RGS6: variants seen among roughly 807,000 people sequenced by gnomAD.
RGS6 encodes the protein regulator of G-protein signaling 6.
A neutral mutation model predicts 78.5 loss-of-function variants in RGS6; 30 were observed. The ratio of observed to expected loss-of-function variants is 0.38; its 90% confidence interval spans 0.29 to 0.52. RGS6 has a LOEUF of 0.52. Among genes scored for constraint, RGS6 ranks in the 20% least tolerant of loss-of-function variants. The pLI, the probability that RGS6 is intolerant of heterozygous loss-of-function variation, is 0.85. For missense variants in RGS6, 495 were observed against 609.7 expected, an observed-to-expected ratio of 0.81 and a Z score of 1.98; for synonymous variants, 206 against 206.0, an observed-to-expected ratio of 1.00 and a Z score of 0.00.
chr14:72,350,579 A>G (rs2078926081), intron 2 of RGS6, among the ~76,000 whole-genome samples: 1 of 152,168 alleles, frequency 6.6e-6, no homozygotes, highest in South Asian at 2.1e-4. Flanking sequence ...ACCCAGTGAG[A>G]AACTCTCCAG....
At chr14:71,912,270 ATGTCC>A in the RGS6 span, among the ~76,000 whole-genome samples, 6 of 152,144 alleles carry the variant, frequency 3.9e-5, no homozygotes, top group South Asian at 4.1e-4. Context: ...GGCATATCCA[ATGTCC>A]TGTCCTGTCC....
intron 2 of RGS6, among the ~76,000 whole-genome samples, chr14:72,296,706 G>A (rs2064896849): frequency 6.6e-6 from 1 of 152,100 alleles, no homozygotes; most frequent in Non-Finnish European, 1.5e-5. Flanking sequence ...GTAAGATACA[G>A]GTCTGGGAAA....
At chr14:72,247,593 G>T (rs982538532) in intron 2 of RGS6, among the ~76,000 whole-genome samples, 8 of 152,160 alleles carry the variant, frequency 5.3e-5, no homozygotes, top group Non-Finnish European at 7.4e-5. Context: ...TGATTTCTGT[G>T]GTTTGAATGT....
chr14:72,426,802 C>T (rs1470693974), intron 3 of RGS6, among the ~76,000 whole-genome samples: 1 of 152,194 alleles, frequency 6.6e-6, no homozygotes, highest in Non-Finnish European at 1.5e-5. Flanking sequence ...ATTGTATTTC[C>T]AAAGATGTCT....
chr14:72,184,390 A>G (rs1412134229), intron 2 of RGS6, among the ~76,000 whole-genome samples: 1 of 151,680 alleles, frequency 6.6e-6, no homozygotes, highest in African/African-American at 2.4e-5. Flanking sequence ...ACACACACAC[A>G]CACACACACA....
chr14:71,890,767 A>G, the RGS6 span, among the ~76,000 whole-genome samples: 1 of 152,264 alleles, frequency 6.6e-6, no homozygotes, highest in African/African-American at 2.4e-5. Flanking sequence ...AGAGCTACTG[A>G]AACCTTTAAG....
At chr14:72,194,361 T>A (rs2039490322) in intron 2 of RGS6, among the ~76,000 whole-genome samples, 1 of 152,182 alleles carries the variant, frequency 6.6e-6, no homozygotes, top group South Asian at 2.1e-4. Context: ...AACTTACACT[T>A]TATTATTTTA....
chr14:72,439,826 T>C (rs2095110313), intron 3 of RGS6, among the ~76,000 whole-genome samples: 1 of 152,232 alleles, frequency 6.6e-6, no homozygotes, highest in Non-Finnish European at 1.5e-5. Context: ...AGAGAGTAGC[T>C]GTGTTCTGCT....
In RGS6 at chr14:71,992,660, G is replaced by A. The variant is rs188498774; in HGVS notation, c.84+27785G>A. Reference sequence around the variant, plus strand: ...TCTTAACTACTCATTATGTTTTTACGCACGTTAGTAATTATTTGCTTGGAT... The same window carrying A: ...TCTTAACTACTCATTATGTTTTTACACACGTTAGTAATTATTTGCTTGGAT... On this transcript the variant is annotated intron_variant, in intron 2 of 17. Transcript: ENST00000553525. Among the ~76,000 whole-genome samples, 114 of 152,246 alleles carry A rather than the reference G, an allele frequency of 7.5e-4. 1 individual carries two copies. The Middle Eastern group carries it at 0.034, about 45-fold the overall frequency.
intron 17 of RGS6, 188 bp downstream of exon 17, chr14:72,540,282 C>CA: frequency 6.7e-7 from 1 of 1,486,828 alleles, no homozygotes; most frequent in Non-Finnish European, 8.9e-7. Flanking sequence ...GATGAAAATG[C>CA]AAAAAAGAGC....
chr14:72,145,898 T>C (rs1202371714), intron 2 of RGS6, among the ~76,000 whole-genome samples: 1 of 152,196 alleles, frequency 6.6e-6, no homozygotes, highest in African/African-American at 2.4e-5. Context: ...GTGGAAGTGA[T>C]ATTTAAGGGA....
At chr14:72,064,240 G>A (rs2094027651) in intron 2 of RGS6, among the ~76,000 whole-genome samples, 1 of 152,010 alleles carries the variant, frequency 6.6e-6, no homozygotes, top group South Asian at 2.1e-4. Flanking sequence ...GGAGGTGAAG[G>A]AGGAGGGTGA....
chr14:72,511,383 G>A (rs7144560), intron 14 of RGS6, among the ~76,000 whole-genome samples: 22,037 of 152,220 alleles, frequency 0.14, 1,706 homozygotes, highest in African/African-American at 0.21. Context: ...GGTCCCATAC[G>A]TCAATCAAGT....
chr14:72,421,588 G>A (rs998470890), intron 3 of RGS6: 10 of 152,114 alleles, frequency 6.6e-5, no homozygotes, highest in African/African-American at 1.9e-4. Context: ...GCCCCTCCAG[G>A]AGCTTCTAAA....
chr14:72,008,652 G>T (rs1014238999), intron 2 of RGS6, among the ~76,000 whole-genome samples: 9 of 152,136 alleles, frequency 5.9e-5, no homozygotes, highest in African/African-American at 2.2e-4. Context: ...GATCCCTCAC[G>T]GTGGGGAAAG....
intron 2 of RGS6, among the ~76,000 whole-genome samples, chr14:72,289,308 A>C (rs2063153212): frequency 6.7e-6 from 1 of 149,940 alleles, no homozygotes; most frequent in Admixed American, 6.7e-5. Context: ...GCATTCATTC[A>C]TTCATTCTTA....
chr14:72,624,458 C>T, the RGS6 span, among the ~76,000 whole-genome samples: 2 of 151,450 alleles, frequency 1.3e-5, no homozygotes, highest in South Asian at 4.2e-4. Flanking sequence ...CCTGCCTCAG[C>T]GTCCTGAGTA....
intron 1 of RGS6, among the ~76,000 whole-genome samples, chr14:71,956,651 T>C (rs1218405773): frequency 1.3e-5 from 2 of 152,146 alleles, no homozygotes; most frequent in Non-Finnish European, 1.5e-5. Context: ...CTGATTAGAT[T>C]GTGCCCACCA....
At chr14:72,151,117 G>T (rs557857973) in intron 2 of RGS6, among the ~76,000 whole-genome samples, 1 of 152,192 alleles carries the variant, frequency 6.6e-6, no homozygotes. Flanking sequence ...AAAGGGACAC[G>T]TAGAACGAAG....
Sources: gnomAD v4.1 joint callset for allele counts (sites outside exome capture counted in the v4.1 genomes callset) on GRCh38, gnomAD v4.1.1 for gene constraint, MANE v1.5 for transcripts, NCBI Gene and HGNC (gene_info 2026-07-23, HGNC 2026-07-21) for gene names.